The following TUBB8 variants were observed in gnomAD, a reference collection of about 807,000 sequenced individuals.
TUBB8 encodes tubulin beta 8 class VIII, also known as tubulin beta-8 chain.
A neutral mutation model predicts 33.7 loss-of-function variants in TUBB8; 25 were observed. The ratio of observed to expected loss-of-function variants is 0.74; its 90% CI spans 0.54 to 1.04. The LOEUF is 1.04. Ranked by LOEUF, TUBB8 falls within the 50% of genes least tolerant of loss-of-function variation. The pLI is 0.00. For missense variants in TUBB8, 279 were observed against 608.0 expected (o/e 0.46, Z 5.69); for synonymous variants, 245 against 240.1 (o/e 1.02, Z -0.19).
chr10:53,360 A>T (rs1410652249), upstream of TUBB8, among the ~76,000 whole-genome samples: 2 of 152,172 alleles, frequency 1.3e-5, no homozygotes, highest in African/African-American at 4.8e-5. Context: ...ACCCCTGACA[A>T]CAAGTGATCT....
chr10:50,013 G>A (rs554867728), upstream of TUBB8: 3 of 159,096 alleles, frequency 1.9e-5, no homozygotes, highest in Admixed American at 6.2e-5. Flanking sequence ...GGAATGCCTC[G>A]ATCTAACCAG....
At chr10:54,406 G>C in intron 1 of TUBB8, among the ~76,000 whole-genome samples, 1 of 151,424 alleles carries the variant, frequency 6.6e-6, no homozygotes, top group South Asian at 2.1e-4. Flanking sequence ...ACTCCATTGT[G>C]TATATGTACC....
chr10:75,494 A>ATCCCT (rs1834799479), upstream of TUBB8, among the ~76,000 whole-genome samples: 1 of 150,858 alleles, frequency 6.6e-6, no homozygotes, highest in Admixed American at 6.6e-5. Context: ...ATCCCTACTA[A>ATCCCT]AAATACAAAA....
upstream of TUBB8, among the ~76,000 whole-genome samples, chr10:54,261 A>G (rs1485129140): frequency 2.0e-5 from 3 of 151,074 alleles, no homozygotes; most frequent in African/African-American, 7.3e-5. Context: ...TTTGAATTTT[A>G]GCGCCCACAA....
chr10:55,559 G>C (rs369141591), intron 1 of TUBB8, among the ~76,000 whole-genome samples: 1 of 152,178 alleles, frequency 6.6e-6, no homozygotes, highest in East Asian at 1.9e-4. Context: ...AGAAATTTTT[G>C]CTCAAACCAT....
At chr10:48,762 C>A in intron 2 of TUBB8, 37 bp from the exon 3 acceptor site, 2 of 1,607,370 alleles carry the variant, frequency 1.2e-6, no homozygotes, top group South Asian at 1.1e-5. Flanking sequence ...AGGGGAGGGC[C>A]GCGTTCCCAG....
At chr10:48,334 C>T in intron 3 of TUBB8, 1 of 636,410 alleles carries the variant, frequency 1.6e-6, no homozygotes, top group Admixed American at 2.6e-5. Flanking sequence ...ACAGACCTCG[C>T]TGCAGGTGGC....
intron 1 of TUBB8, among the ~76,000 whole-genome samples, chr10:72,114 GC>G (rs1834744545): frequency 7.4e-6 from 1 of 135,620 alleles, no homozygotes; most frequent in Admixed American, 7.4e-5. Context: ...ATTCCCAGCT[GC>G]TCAGGAGGCT....
chr10:50,248 G>C (rs1554739355), upstream of TUBB8: 1 of 152,144 alleles, frequency 6.6e-6, no homozygotes, highest in Non-Finnish European at 1.5e-5. Flanking sequence ...AAACAAATGA[G>C]ACATTAACAG....
At chr10:57,056 A>G (rs1363468228) in intron 1 of TUBB8, among the ~76,000 whole-genome samples, 1 of 152,204 alleles carries the variant, frequency 6.6e-6, no homozygotes, top group Non-Finnish European at 1.5e-5. Flanking sequence ...CACAGGACCC[A>G]TGCAAGTCTG....
chr10:53,102 T>C (rs1834488956), upstream of TUBB8, among the ~76,000 whole-genome samples: 2 of 152,178 alleles, frequency 1.3e-5, no homozygotes, highest in Non-Finnish European at 2.9e-5. Context: ...AAAGAAATTT[T>C]GTTTGAAACA....
intron 1 of TUBB8, among the ~76,000 whole-genome samples, chr10:65,921 T>G (rs1399043227): frequency 6.6e-6 from 1 of 152,254 alleles, no homozygotes; most frequent in Admixed American, 6.5e-5. Flanking sequence ...CATGCTAATT[T>G]CAATAGATGC....
chr10:62,688 A>G (rs529150776), intron 1 of TUBB8, among the ~76,000 whole-genome samples: 153 of 152,346 alleles, frequency 1.0e-3, no homozygotes, highest in African/African-American at 3.6e-3. Context: ...TGTTAATGAA[A>G]TACCTCAGTT....
chr10:49,335 C>T (rs1314843653), upstream of TUBB8: 15 of 1,266,342 alleles, frequency 1.2e-5, no homozygotes, highest in African/African-American at 1.6e-4. Context: ...AATAGCCCCG[C>T]GCCCACCTCC....
upstream of TUBB8, among the ~76,000 whole-genome samples, chr10:50,919 A>G (rs1177904592): frequency 3.6e-5 from 5 of 139,956 alleles, no homozygotes; most frequent in Non-Finnish European, 7.8e-5. Flanking sequence ...GGTCCAGGGA[A>G]TCATCTCTCT....
intron 1 of TUBB8, among the ~76,000 whole-genome samples, chr10:71,774 GT>G (rs1419263137): frequency 1.3e-5 from 2 of 151,224 alleles, no homozygotes; most frequent in Non-Finnish European, 2.9e-5. Flanking sequence ...GCAGTGCATG[GT>G]GGCTGGTGCC....
chr10:48,318 G>A (rs1299018049), intron 3 of TUBB8: 3 of 657,210 alleles, frequency 4.6e-6, no homozygotes, highest in Non-Finnish European at 5.5e-6. Flanking sequence ...AACCTGAGAC[G>A]GGTTCACAGA....
At chr10:65,551 CCT>C (rs543537857) in intron 1 of TUBB8, among the ~76,000 whole-genome samples, 241 of 152,254 alleles carry the variant, frequency 1.6e-3, no homozygotes, top group African/African-American at 5.7e-3. Context: ...ATGGTGAAAC[CCT>C]GTCTCTACTA....
upstream of TUBB8, among the ~76,000 whole-genome samples, chr10:75,848 C>T (rs528167816): frequency 6.6e-6 from 1 of 152,080 alleles, no homozygotes; most frequent in South Asian, 2.1e-4. Flanking sequence ...CCTTAAAACA[C>T]CAAGCACTGG....
Sources: allele counts gnomAD v4.1 joint callset (sites outside exome capture counted in the v4.1 genomes callset), GRCh38; gene constraint gnomAD v4.1.1; transcripts MANE v1.5; gene names NCBI Gene and HGNC (gene_info 2026-07-23, HGNC 2026-07-21).